MRPL28: variants seen among roughly 807,000 people sequenced by gnomAD.
MRPL28 encodes large ribosomal subunit protein bL28m.
In MRPL28, 25 loss-of-function variants were observed where a neutral mutation model predicts 26.2. The ratio of observed to expected loss-of-function variants is 0.95; its 90% confidence interval spans 0.69 to 1.33. The LOEUF (loss-of-function observed/expected upper bound fraction) is 1.33, where lower values mean the gene tolerates loss of function less well. MRPL28 is among the 40% of genes most tolerant of loss of function. The pLI is 0.00. For missense variants in MRPL28, 432 were observed against 327.2 expected, an observed-to-expected ratio of 1.32 and a Z score of -2.47; for synonymous variants, 227 against 140.1, an observed-to-expected ratio of 1.62 and a Z score of -4.38.
At position 370,225 on chromosome 16, in the gene MRPL28, C is replaced by G. The variant is rs761541208; in HGVS notation, c.-7G>C. On this transcript the variant is annotated splice_region_variant and 5_prime_UTR_variant, in exon 2 of 6. Coordinates refer to ENST00000199706, the MANE Select transcript of MRPL28 (RefSeq NM_006428.5). ...GATACTTGTGTAGAGGCATCGCGAGCCTGGCGGGAGGTGGGGGCTCGCAGT... is the reference window on the plus strand; with the variant it reads ...GATACTTGTGTAGAGGCATCGCGAGGCTGGCGGGAGGTGGGGGCTCGCAGT... 1.3e-6 allele frequency: 2 copies of G among 1,567,736 alleles called. No homozygotes were observed. The highest frequency in any genetic ancestry group is 8.6e-7 in the Non-Finnish European group (1 of 1,161,118).
Position 368,640 on chromosome 16 carries a change from C to T in MRPL28, c.442-5G>A, listed in dbSNP as rs557739707. 1.9e-6 allele frequency: 3 copies of T among 1,544,160 alleles called. No individual in the cohort carries two copies. The South Asian group carries it at 3.7e-5, about 19-fold the overall frequency. On this transcript the variant is annotated splice_polypyrimidine_tract_variant and splice_region_variant and intron_variant, in intron 3 of 5. Coordinates refer to ENST00000199706, the MANE Select transcript of MRPL28 (RefSeq NM_006428.5). ...GCACAGGTCCTCCTTCGGGGTCTGGCAGAAGGCTCACATGGGGCCAGGTGC... is the reference window on the plus strand; with the variant it reads ...GCACAGGTCCTCCTTCGGGGTCTGGTAGAAGGCTCACATGGGGCCAGGTGC...
chr16:369,852 C>T, intron 2 of MRPL28, 79 bp downstream of exon 2: 5 of 1,529,194 alleles, frequency 3.3e-6, no homozygotes, highest in South Asian at 1.2e-5. Context: ...CAGGTCTCTC[C>T]AGGTACCCCG....
intron 3 of MRPL28, 164 bp from the exon 4 acceptor site, chr16:368,799 C>G: frequency 8.4e-7 from 1 of 1,189,290 alleles, no homozygotes; most frequent in East Asian, 2.5e-5. Context: ...GGGATCAGCA[C>G]AGAAGCAAGT....
chr16:370,085 G>A lies in MRPL28; in HGVS notation c.134C>T (p.Pro45Leu), dbSNP rs1031394928. 4 of 1,612,096 alleles carry A rather than the reference G, an allele frequency of 2.5e-6. No homozygotes were observed. The highest frequency in any genetic ancestry group is 1.3e-5 in the African/African-American group (1 of 74,964). ...ERTPTPVHYR[P>L]HGAKFKINPK... is the part of the protein sequence containing the mutation. Reference sequence around the variant, plus strand: ...GTTGATCTTGAACTTGGCCCCATGAGGCCTATAGTGCACGGGAGTGGGCGT... The same window carrying A: ...GTTGATCTTGAACTTGGCCCCATGAAGCCTATAGTGCACGGGAGTGGGCGT... The change falls in exon 2 of 6, where the codon CCT becomes CTT. Residue 45 changes from proline to leucine, a missense_variant. By Grantham distance (98) the Pro-to-Leu change is moderately conservative. Coordinates refer to ENST00000199706, the MANE Select transcript of MRPL28 (RefSeq NM_006428.5).
In MRPL28 at chr16:368,616, C is replaced by T; in HGVS notation, c.461G>A (p.Cys154Tyr). The T allele has an allele frequency of 1.3e-6, 2 of 1,572,236 alleles. No homozygotes were observed. Among genetic ancestry groups the T allele is most frequent in the South Asian group, 1.2e-5 (1 of 85,892 alleles). Residue 154 changes from cysteine to tyrosine, a missense_variant, in exon 4 of 6, where the codon TGC becomes TAC. By Grantham distance (194) the Cys-to-Tyr change is radical. Transcript: ENST00000199706. ...YILKTPKEDLCSKFGMDLKRG... is the reference protein window; with the variant it reads ...YILKTPKEDLYSKFGMDLKRG... Reference sequence around the variant, plus strand: ...CTTCAGGTCCATCCCAAACTTGGAGCACAGGTCCTCCTTCGGGGTCTGGCA... The same window carrying T: ...CTTCAGGTCCATCCCAAACTTGGAGTACAGGTCCTCCTTCGGGGTCTGGCA...
Position 369,969 on chromosome 16 carries a change from C to T in MRPL28, c.250G>A (p.Gly84Ser), listed in dbSNP as rs1236182637. 1.2e-6 allele frequency: 2 copies of T among 1,612,556 alleles called. No homozygotes were observed. The highest frequency in any genetic ancestry group is 1.7e-6 in the Non-Finnish European group (2 of 1,179,846). The change falls in exon 2 of 6, where the codon GGC (glycine) becomes AGC (serine). Residue 84 changes from glycine (G) to serine (S), a missense_variant. By Grantham distance (56) the Gly-to-Ser change is moderately conservative. Coordinates refer to ENST00000199706, the MANE Select transcript of MRPL28 (RefSeq NM_006428.5). ...GCATATATTTGGCCCAGGATCCAGC[C>T]CTCGCCGCCCCACAACCCCCGCTGG... ...ESQRGLWGGEGWILGQIYANN... is the reference protein window; with the variant it reads ...ESQRGLWGGESWILGQIYANN...
rs1597150009 is a variant in MRPL28, at chr16:368,369, G to A, written c.622C>T (p.Leu208=). The stretch of plus-strand genomic sequence containing the variant: ...CTCTGCTTCTCAATGGCCTCCTCCA[G>A]CGTGAGGCCCACCCACTCTGCCTCC... ...EEEAEWVGLT[L]EEAIEKQRLL... is the part of the protein sequence containing the mutation. Residue 208 remains leucine (L), a synonymous_variant, in exon 5 of 6, where the codon CTG becomes TTG. Coordinates refer to ENST00000199706, the MANE Select transcript of MRPL28 (RefSeq NM_006428.5). 2 of 1,613,802 alleles carry A rather than the reference G, an allele frequency of 1.2e-6. No homozygotes were observed. Among genetic ancestry groups the A allele is most frequent in the East Asian group, 2.2e-5 (1 of 44,876 alleles).
intron 3 of MRPL28, 105 bp from the exon 4 acceptor site, chr16:368,740 G>T (rs1172158089): frequency 2.0e-6 from 3 of 1,486,128 alleles, no homozygotes; most frequent in East Asian, 2.3e-5. Context: ...CCCAGGACAG[G>T]ACAGAGAAGG....
At chr16:368,155 GA>G (rs1282405697) in intron 5 of MRPL28, among the ~76,000 whole-genome samples, 172 bp downstream of exon 5, 2 of 152,206 alleles carry the variant, frequency 1.3e-5, no homozygotes, top group African/African-American at 2.4e-5. Flanking sequence ...TGGGGACTTG[GA>G]GGGGAGGGAG....
At position 367,358 on chromosome 16, in the gene MRPL28, G is replaced by A. The variant is rs1228927770; in HGVS notation, c.*317C>T. 1.1e-5 allele frequency: 7 copies of A among 650,182 alleles called. No individual in the cohort carries two copies. The Admixed American group carries it at 1.4e-4, about 13-fold the overall frequency. The allele number at this position is 650,182 out of a possible 1,614,324, so 40.3% of individuals were successfully genotyped here. On this transcript the variant is annotated 3_prime_UTR_variant, in exon 6 of 6. Transcript: ENST00000199706. ...GGGTGACAGGATCAGGATCCCCAAA[G>A]AGAACACCAGTCCTCAAAGCAAAGA...
rs1164940656 is a variant in MRPL28, at chr16:370,249, G to A, written c.-7-24C>T. 8 of 1,533,186 alleles carry A rather than the reference G, an allele frequency of 5.2e-6. No individual in the cohort carries two copies. The East Asian group carries it at 1.9e-4, about 36-fold the overall frequency. The allele number at this position is 1,533,186 out of a possible 1,614,324, so 95.0% of individuals were successfully genotyped here. On this transcript the variant is annotated intron_variant, in intron 1 of 5. Coordinates refer to ENST00000199706, the MANE Select transcript of MRPL28 (RefSeq NM_006428.5). ...GCCTGGCGGGAGGTGGGGGCTCGCA[G>A]TCAGTCGCAGCCTGGCCAGGCCCCC...
chr16:367,503 G>C lies in MRPL28; in HGVS notation c.*172C>G. The C allele has an allele frequency of 1.4e-6, 1 of 732,684 alleles. No individual in the cohort carries two copies. Among genetic ancestry groups the C allele is most frequent in the Non-Finnish European group, 2.5e-6 (1 of 402,934 alleles). The allele number at this position is 732,684 out of a possible 1,614,324, so 45.4% of individuals were successfully genotyped here. A position where few individuals can be genotyped will look rare whatever the true frequency, so the allele number is the denominator to read the frequency against. ...CCTCTGGGCGGCCCAGGCCTCCTGG[G>C]GATCCCTGCCAAGCTGGCCCCGGGC... On this transcript the variant is annotated 3_prime_UTR_variant, in exon 6 of 6. Coordinates refer to ENST00000199706, the MANE Select transcript of MRPL28 (RefSeq NM_006428.5).
At chr16:368,206 C>T (rs1162205692) in intron 5 of MRPL28, 122 bp downstream of exon 5, 1 of 1,175,210 alleles carries the variant, frequency 8.5e-7, no homozygotes, top group East Asian at 2.4e-5. Context: ...AGAGCAGCAG[C>T]TCTTCCCCAA....
Position 369,930 on chromosome 16 carries a change from C to T in MRPL28, c.288+1G>A, listed in dbSNP as rs1324439456. The T allele has an allele frequency of 6.2e-7, 1 of 1,608,140 alleles. No homozygotes were observed. The highest frequency in any genetic ancestry group is 1.3e-5 in the African/African-American group (1 of 74,910). On this transcript the variant is annotated splice_donor_variant, in intron 2 of 5. Coordinates refer to ENST00000199706, the MANE Select transcript of MRPL28 (RefSeq NM_006428.5). LOFTEE classifies it high-confidence loss of function. ...CCCCTGAAGGCCGCCTGCGGACCCACCTTGTCGTTGTTGGCATATATTTGG... is the reference window on the plus strand; with the variant it reads ...CCCCTGAAGGCCGCCTGCGGACCCATCTTGTCGTTGTTGGCATATATTTGG...
At chr16:369,507 TTACAG>T (rs1279783920) in intron 2 of MRPL28, 2 of 630,364 alleles carry the variant, frequency 3.2e-6, no homozygotes, top group African/African-American at 3.9e-5. Context: ...ACCCCACAGT[TTACAG>T]GTTGTCACAT....
In MRPL28 at chr16:368,356, A is replaced by G. The variant is rs746781109; in HGVS notation, c.635T>C (p.Ile212Thr). 6.2e-7 allele frequency: 1 copy of G among 1,613,716 alleles called. No individual in the cohort carries two copies. The change falls in exon 5 of 6, where the codon ATT (isoleucine) becomes ACT (threonine). Residue 212 changes from isoleucine (I) to threonine (T), a missense_variant. Transcript: ENST00000199706. ...CTCCTCCAAAAGTCTCTGCTTCTCA[A>G]TGGCCTCCTCCAGCGTGAGGCCCAC... The part of the protein sequence containing the change: ...EWVGLTLEEA[I>T]EKQRLLEEKD...
Position 370,236 on chromosome 16 carries a change from G to A in MRPL28, c.-7-11C>T. On this transcript the variant is annotated splice_polypyrimidine_tract_variant and intron_variant, in intron 1 of 5. Coordinates refer to ENST00000199706, the MANE Select transcript of MRPL28 (RefSeq NM_006428.5). Reference sequence around the variant, plus strand: ...AGAGGCATCGCGAGCCTGGCGGGAGGTGGGGGCTCGCAGTCAGTCGCAGCC... The same window carrying A: ...AGAGGCATCGCGAGCCTGGCGGGAGATGGGGGCTCGCAGTCAGTCGCAGCC... 6.4e-7 allele frequency: 1 copy of A among 1,551,538 alleles called. No homozygotes were observed. The highest frequency in any genetic ancestry group is 8.7e-7 in the Non-Finnish European group (1 of 1,154,076).
At position 370,047 on chromosome 16, in the gene MRPL28, G is replaced by A. The variant is rs376399086; in HGVS notation, c.172C>T (p.Gln58Ter). ...GGCACGTCCTCCACACGCTCCCGCT[G>A]CCCGTTCTTGGGGTTGATCTTGAAC... Reference protein sequence around the residue: ...AKFKINPKNGQRERVEDVPIP... With the variant: ...AKFKINPKNG The change falls in exon 2 of 6, where the codon CAG (glutamine) becomes TAG (stop). Residue 58 changes from glutamine (Q) to a stop codon, truncating the protein, a stop_gained. Transcript: ENST00000199706. LOFTEE classifies it high-confidence loss of function. The A allele has an allele frequency of 2.5e-5, 41 of 1,613,018 alleles. No homozygotes were observed. The highest frequency in any genetic ancestry group is 3.5e-5 in the Non-Finnish European group (41 of 1,179,828).
Position 368,517 on chromosome 16 carries a change from A to G in MRPL28, c.560T>C (p.Ile187Thr). 2 of 1,596,388 alleles carry G rather than the reference A, an allele frequency of 1.3e-6. No individual in the cohort carries two copies. The highest frequency in any genetic ancestry group is 1.7e-6 in the Non-Finnish European group (2 of 1,168,694). ...HPEDPERRAA[I>T]YDKYKEFAIP... is the part of the protein sequence containing the mutation. The stretch of plus-strand genomic sequence containing the variant: ...AACCCTCACCTTGTACTTGTCGTAG[A>G]TGGCTGCCCGCCGCTCGGGGTCCTC... Residue 187 changes from isoleucine (I) to threonine (T), a missense_variant, in exon 4 of 6, where the codon ATC (isoleucine) becomes ACC (threonine). Coordinates refer to ENST00000199706, the MANE Select transcript of MRPL28 (RefSeq NM_006428.5).
Sources: gnomAD v4.1 joint callset for allele counts (sites outside exome capture counted in the v4.1 genomes callset) on GRCh38, gnomAD v4.1.1 for gene constraint, MANE v1.5 for transcripts, NCBI Gene and HGNC (gene_info 2026-07-23, HGNC 2026-07-21) for gene names.